The following CHST1 variants were observed in gnomAD, a reference collection of about 807,000 sequenced individuals.
CHST1 encodes Keratan sulfotransferase.
CHST1 carries 10 observed loss-of-function variants against 22.5 expected under a neutral mutation model. That is an observed-to-expected ratio of 0.44 (90% CI 0.27 to 0.75). The LOEUF is 0.75. Ranked by LOEUF, CHST1 falls within the 30% of genes least tolerant of loss-of-function variation. CHST1 has a pLI of 0.15. For synonymous variants in CHST1, 267 were observed against 264.5 expected, an observed-to-expected ratio of 1.01 and a Z score of -0.09; for missense variants, 439 against 576.1, an observed-to-expected ratio of 0.76 and a Z score of 2.44.
At chr11:45,657,692 G>C (rs1852079823) in intron 1 of CHST1, among the ~76,000 whole-genome samples, 1 of 152,188 alleles carries the variant, frequency 6.6e-6, no homozygotes, top group African/African-American at 2.4e-5. Flanking sequence ...CTTCCAGAGG[G>C]GTGAGCTGCT....
At chr11:45,659,578 C>T (rs748661024) in intron 1 of CHST1, among the ~76,000 whole-genome samples, 2 of 152,128 alleles carry the variant, frequency 1.3e-5, no homozygotes, top group Non-Finnish European at 2.9e-5. Flanking sequence ...GCCATCTCAC[C>T]GCTTCCCAGA....
chr11:45,648,077 G>T lies in CHST1; in HGVS notation c.*1611C>A, dbSNP rs535372977. On this transcript the variant is annotated 3_prime_UTR_variant, in exon 4 of 4. Transcript: ENST00000308064. ...CCTGCTAGATTGCCACGAAGGGAAG[G>T]GGAGGAAGCACAGCAGATTCTCTGC... Among the ~76,000 whole-genome samples the T allele has an allele frequency of 1.8e-4, 27 of 152,148 alleles. No individual in the cohort carries two copies. Among genetic ancestry groups the T allele is most frequent in the Non-Finnish European group, 3.4e-4 (23 of 68,032 alleles).
At chr11:45,661,143 C>A (rs570993847) in intron 1 of CHST1, among the ~76,000 whole-genome samples, 1 of 152,180 alleles carries the variant, frequency 6.6e-6, no homozygotes, top group Non-Finnish European at 1.5e-5. Context: ...TACAGCGCCT[C>A]GAGTAATCTT....
At chr11:45,664,773 G>GCTGC (rs1852176235) in intron 1 of CHST1, among the ~76,000 whole-genome samples, 1 of 152,214 alleles carries the variant, frequency 6.6e-6, no homozygotes, top group African/African-American at 2.4e-5. Context: ...AGCTGGGTTT[G>GCTGC]GAAAGTTGGT....
chr11:45,665,449 C>G lies in CHST1; in HGVS notation c.-498G>C, dbSNP rs560810931. ...CGTTCTCTCCGGCCGGACGCGGGACCCGGGGCCGGGGCTCAGGGACCCGAG... is the reference window on the plus strand; with the variant it reads ...CGTTCTCTCCGGCCGGACGCGGGACGCGGGGCCGGGGCTCAGGGACCCGAG... On this transcript the variant is annotated 5_prime_UTR_variant, in exon 1 of 4. Coordinates refer to ENST00000308064, the MANE Select transcript of CHST1 (RefSeq NM_003654.6). This position sits in a 1 kb window ranked among gnomAD's most constrained non-coding sequence, Gnocchi z 4.0. 4.0e-5 allele frequency: 6 copies of G among 151,882 alleles called. No individual in the cohort carries two copies. In the East Asian group the frequency reaches 1.2e-3, roughly 30 times the overall value. The allele number at this position is 151,882 out of a possible 1,614,324, so 9.4% of individuals were successfully genotyped here.
Position 45,650,507 on chromosome 11 carries a change from G to T in CHST1, c.417C>A (p.Ile139=), listed in dbSNP as rs143305011. ...TGGTGTGGTTGACCGGCGGCGGCTT[G>T]ATGTAGTTCTCCAGGAAGTAGAGGT... is the stretch of plus-strand genomic sequence containing the variant. The part of the protein sequence containing the change: ...DCDLYFLENY[I]KPPPVNHTTD... The change falls in exon 4 of 4, where the codon ATC becomes ATA. Residue 139 remains isoleucine (I), a synonymous_variant. Transcript: ENST00000308064. The T allele has an allele frequency of 6.2e-7, 1 of 1,613,724 alleles. No homozygotes were observed. Among genetic ancestry groups the T allele is most frequent in the African/African-American group, 1.3e-5 (1 of 74,936 alleles).
chr11:45,648,048 G>A lies in CHST1; in HGVS notation c.*1640C>T, dbSNP rs533777406. On this transcript the variant is annotated 3_prime_UTR_variant, in exon 4 of 4. Transcript: ENST00000308064. Reference sequence around the variant, plus strand: ...ATAAGAGCTGGGGAAGCTGCCTGGAGCAACCTGCTAGATTGCCACGAAGGG... The same window carrying A: ...ATAAGAGCTGGGGAAGCTGCCTGGAACAACCTGCTAGATTGCCACGAAGGG... Among the ~76,000 whole-genome samples the A allele has an allele frequency of 3.9e-5, 6 of 152,318 alleles. No homozygotes were observed. Among genetic ancestry groups the A allele is most frequent in the East Asian group, 3.9e-4 (2 of 5,176 alleles).
Position 45,665,572 on chromosome 11 carries a change from C to T in CHST1, c.-621G>A, listed in dbSNP as rs1024169360. ...ACCAGAGCCTCTCGGAGCGCCCGCC[C>T]GCGTCCCCGAGCCAAGAGCAGCGGC... On this transcript the variant is annotated 5_prime_UTR_variant, in exon 1 of 4. Coordinates refer to ENST00000308064, the MANE Select transcript of CHST1 (RefSeq NM_003654.6). The surrounding 1 kb of genome is among the most constrained non-coding windows in gnomAD (Gnocchi z 4.0). 7.9e-5 allele frequency: 12 copies of T among 151,798 alleles called. 1 individual carries two copies. Among genetic ancestry groups the T allele is most frequent in the African/African-American group, 2.2e-4 (9 of 41,434 alleles). 9.4% of individuals were successfully genotyped at this position (151,798 alleles called of 1,614,324 possible).
chr11:45,664,622 T>C (rs1724679303), intron 1 of CHST1, among the ~76,000 whole-genome samples: 2 of 152,218 alleles, frequency 1.3e-5, no homozygotes, highest in African/African-American at 4.8e-5. Flanking sequence ...GGGAGGGTTG[T>C]TCCGGCTTTC....
chr11:45,663,666 C>G (rs1243650337), intron 1 of CHST1, among the ~76,000 whole-genome samples: 10 of 152,012 alleles, frequency 6.6e-5, no homozygotes, highest in Admixed American at 5.9e-4. Context: ...CCTGGTGCCC[C>G]TCCCCTCCCC....
intron 1 of CHST1, among the ~76,000 whole-genome samples, chr11:45,658,169 A>G (rs989298611): frequency 6.6e-6 from 1 of 152,310 alleles, no homozygotes; most frequent in East Asian, 1.9e-4. Flanking sequence ...TTTGAATCCA[A>G]CTGCTGTTGC....
Position 45,650,748 on chromosome 11 carries a change from C to T in CHST1, c.176G>A (p.Arg59His), listed in dbSNP as rs764979484. ...GGCCAGGATGAGGATGTGGGTCTTGCGGGAGAGGTTGTAGGCGAAGGTGGG... is the reference window on the plus strand; with the variant it reads ...GGCCAGGATGAGGATGTGGGTCTTGTGGGAGAGGTTGTAGGCGAAGGTGGG... ...ESPTFAYNLSRKTHILILATT... is the reference protein window; with the variant it reads ...ESPTFAYNLSHKTHILILATT... The change falls in exon 4 of 4, where the codon CGC becomes CAC. Residue 59 changes from arginine to histidine, a missense_variant. By Grantham distance (29) the Arg-to-His change is conservative. Coordinates refer to ENST00000308064, the MANE Select transcript of CHST1 (RefSeq NM_003654.6). 153 of 1,613,956 alleles carry T rather than the reference C, an allele frequency of 9.5e-5. No individual in the cohort carries two copies. The highest frequency in any genetic ancestry group is 1.2e-4 in the Non-Finnish European group (142 of 1,179,990).
intron 3 of CHST1, 37 bp from the exon 4 acceptor site, chr11:45,651,002 CGGCGGG>C (rs1851992159): frequency 6.9e-7 from 1 of 1,445,144 alleles, no homozygotes; most frequent in African/African-American, 1.4e-5. Context: ...GGTGCCTCCA[CGGCGGG>C]GGCACTGGCT....
chr11:45,664,457 C>G (rs1852172156), intron 1 of CHST1, among the ~76,000 whole-genome samples: 1 of 152,302 alleles, frequency 6.6e-6, no homozygotes, highest in South Asian at 2.1e-4. Flanking sequence ...GGTGCCACTC[C>G]AGGACGACCC....
Position 45,648,389 on chromosome 11 carries a change from A to C in CHST1, c.*1299T>G, listed in dbSNP as rs1018619545. 6.8e-6 allele frequency among the ~76,000 whole-genome samples: 1 copy of C among 146,120 alleles called. No homozygotes were observed. Among genetic ancestry groups the C allele is most frequent in the African/African-American group, 2.5e-5 (1 of 39,920 alleles). ...TTACCCGGTCTCAACTGACTGAAGG[A>C]AAAAAAAAACGGCTGGGTGAGGTGG... On this transcript the variant is annotated 3_prime_UTR_variant, in exon 4 of 4. Coordinates refer to ENST00000308064, the MANE Select transcript of CHST1 (RefSeq NM_003654.6).
chr11:45,661,279 G>C (rs4148893), intron 1 of CHST1, among the ~76,000 whole-genome samples: 77,867 of 152,154 alleles, frequency 0.51, 21,698 homozygotes, highest in East Asian at 0.83. Flanking sequence ...AGGGCCGCAA[G>C]TCTGGGAGTG....
chr11:45,657,004 G>T (rs571368048), intron 1 of CHST1, among the ~76,000 whole-genome samples: 2 of 152,288 alleles, frequency 1.3e-5, no homozygotes, highest in South Asian at 4.1e-4. Flanking sequence ...GGGGGATGAA[G>T]AAGCAGCACA....
rs45484599 is a variant in CHST1 at position 45,662,489 on chromosome 11, G to C, written c.-227+2689C>G. Among the ~76,000 whole-genome samples, 523 of 152,284 alleles carry C rather than the reference G, an allele frequency of 3.4e-3. 3 individuals are homozygous for C. Among genetic ancestry groups the C allele is most frequent in the African/African-American group, 0.012 (501 of 41,542 alleles). On this transcript the variant is annotated intron_variant, in intron 1 of 3. Coordinates refer to ENST00000308064, the MANE Select transcript of CHST1 (RefSeq NM_003654.6). ...GCGGGGGGTGTGCCGGGGCCGCTGG[G>C]GAGAGGCTGTTTCAAAGCAGGAGGC...
rs946620123 is a variant in CHST1 at position 45,652,106 on chromosome 11, A to G, written c.-140-16T>C. On this transcript the variant is annotated splice_polypyrimidine_tract_variant and intron_variant, in intron 2 of 3. Transcript: ENST00000308064. ...GGCCAGCAGACTGCAAAAGACAGGGAGGGGAAGGGCTCAGAAGGTGGAGCT... is the reference window on the plus strand; with the variant it reads ...GGCCAGCAGACTGCAAAAGACAGGGGGGGGAAGGGCTCAGAAGGTGGAGCT... The G allele has an allele frequency of 6.6e-6, 1 of 152,400 alleles. No homozygotes were observed. The highest frequency in any genetic ancestry group is 1.5e-5 in the Non-Finnish European group (1 of 68,192). 9.4% of individuals were successfully genotyped at this position (152,400 alleles called of 1,614,324 possible).
Sources: allele counts gnomAD v4.1 joint callset (sites outside exome capture counted in the v4.1 genomes callset), GRCh38; gene constraint gnomAD v4.1.1; non-coding constraint Gnocchi (gnomAD v3.1); transcripts MANE v1.5; gene names NCBI Gene and HGNC (gene_info 2026-07-23, HGNC 2026-07-21).